MAP4K4: variants seen among roughly 807,000 people sequenced by gnomAD.
The protein encoded by MAP4K4 is mitogen-activated protein kinase kinase kinase kinase 4.
A neutral mutation model predicts 189.6 loss-of-function variants in MAP4K4; 38 were observed. The observed-to-expected ratio is 0.20, with a 90% CI of 0.15 to 0.26. MAP4K4 has a LOEUF of 0.26. MAP4K4 is among the 10% of genes least tolerant of loss of function. The pLI is 1.00. For synonymous variants in MAP4K4, 610 were observed against 624.3 expected, an observed-to-expected ratio of 0.98 and a Z score of 0.34; for missense variants, 1,054 against 1,726.9, an observed-to-expected ratio of 0.61 and a Z score of 6.91.
Position 101,840,014 on chromosome 2 carries a change from T to C in MAP4K4, c.949+20T>C, listed in dbSNP as rs2096868272. The C allele has an allele frequency of 6.4e-7, 1 of 1,568,786 alleles. No homozygotes were observed. Among genetic ancestry groups the C allele is most frequent in the Admixed American group, 2.1e-5 (1 of 48,484 alleles). On this transcript the variant is annotated intron_variant, in intron 10 of 32. Transcript: ENST00000324219. ...AGAAAGGTACTAAGCCTGTTTTTGT[T>C]TTCATCCTTTAAAATTTTTATGTTT...
chr2:101,756,011 G>A (rs1479462957), intron 2 of MAP4K4, among the ~76,000 whole-genome samples: 1 of 141,838 alleles, frequency 7.1e-6, no homozygotes, highest in Admixed American at 7.5e-5. Flanking sequence ...TGCGATGTCG[G>A]CTCACTGCAA....
At chr2:101,889,242 C>T (rs7574674) in intron 32 of MAP4K4, among the ~76,000 whole-genome samples, 31,696 of 152,056 alleles carry the variant, frequency 0.21, 7,599 homozygotes, top group African/African-American at 0.59. Flanking sequence ...GCTGCCAGTT[C>T]AGTTGGCTGG....
chr2:101,714,430 C>A (rs1427001162), intron 2 of MAP4K4, among the ~76,000 whole-genome samples: 2 of 152,142 alleles, frequency 1.3e-5, no homozygotes, highest in East Asian at 3.8e-4. Context: ...AATTTTCTTA[C>A]ATTTCAAAAG....
At chr2:101,843,764 G>GA (rs951355499) in intron 11 of MAP4K4, among the ~76,000 whole-genome samples, 4 of 150,938 alleles carry the variant, frequency 2.7e-5, no homozygotes, top group Non-Finnish European at 4.4e-5. Context: ...GTTTGCTGAA[G>GA]AAAAAAAAAG....
chr2:101,704,559 A>ATG (rs2040991788), intron 2 of MAP4K4, among the ~76,000 whole-genome samples: 1 of 64,136 alleles, frequency 1.6e-5, no homozygotes, highest in South Asian at 6.5e-4. Flanking sequence ...ATATATATAT[A>ATG]TATATATATT....
chr2:101,716,969 A>G (rs572434315), intron 2 of MAP4K4, among the ~76,000 whole-genome samples: 6 of 152,340 alleles, frequency 3.9e-5, no homozygotes, highest in Middle Eastern at 3.4e-3. Flanking sequence ...ATAAATGGAG[A>G]TAAATATGTA....
At chr2:101,751,953 A>T (rs970987630) in intron 2 of MAP4K4, among the ~76,000 whole-genome samples, 1 of 152,122 alleles carries the variant, frequency 6.6e-6, no homozygotes, top group African/African-American at 2.4e-5. Flanking sequence ...CTGTCATTCT[A>T]CTGTTTCCTT....
In MAP4K4 at chr2:101,864,897, C is replaced by G. The variant is rs377503494; in HGVS notation, c.2098-33C>G. ...GTATTTTTTTTCCTTTTCATGTTTT[C>G]AATAATTTAATTGCTATATTTTCTA... On this transcript the variant is annotated intron_variant, in intron 17 of 32. Transcript: ENST00000324219. 624 of 1,339,350 alleles carry G rather than the reference C, an allele frequency of 4.7e-4. 3 individuals carry two copies. The highest frequency in any genetic ancestry group is 3.1e-3 in the South Asian group (237 of 75,284). 83.0% of individuals were successfully genotyped at this position (1,339,350 alleles called of 1,614,324 possible).
intron 2 of MAP4K4, among the ~76,000 whole-genome samples, chr2:101,707,468 C>CA (rs757141618): frequency 8.5e-4 from 129 of 152,172 alleles, no homozygotes; most frequent in Non-Finnish European, 1.4e-3. Context: ...CTGGGCCTCT[C>CA]AAAGTGCTGG....
chr2:101,892,622 CT>C, exon 33 of MAP4K4: 1 of 298,708 alleles, frequency 3.3e-6, no homozygotes, highest in Non-Finnish European at 6.6e-6. Flanking sequence ...TGCACTAAAA[CT>C]ATTTTAAGAA....
intron 19 of MAP4K4, 125 bp from the exon 20 acceptor site, chr2:101,867,087 C>A: frequency 1.6e-6 from 1 of 639,948 alleles, no homozygotes; most frequent in Non-Finnish European, 2.8e-6. Context: ...GTAATTCAGA[C>A]CTGCAGGTGG....
intron 28 of MAP4K4, 53 bp from the exon 29 acceptor site, chr2:101,885,134 C>T: frequency 1.1e-6 from 1 of 904,406 alleles, no homozygotes; most frequent in Non-Finnish European, 1.8e-6. Flanking sequence ...GTTTAGAGGG[C>T]TATGTTGATA....
rs184427983 is a variant in MAP4K4, at chr2:101,892,710, G to A, written c.*1461G>A. 2.5e-3 allele frequency: 855 copies of A among 338,508 alleles called. 8 individuals are homozygous for A. The highest frequency in any genetic ancestry group is 3.1e-3 in the Non-Finnish European group (533 of 170,054). 21.0% of individuals were successfully genotyped at this position (338,508 alleles called of 1,614,324 possible). On this transcript the variant is annotated 3_prime_UTR_variant, in exon 33 of 33. Transcript: ENST00000324219. ...TAATATCGAAGTCCTGGCTTTTCTC[G>A]TTTTCTCACTTGCTCTCTTGTTCTC...
intron 22 of MAP4K4, 195 bp downstream of exon 22, chr2:101,869,992 C>T: frequency 4.3e-6 from 3 of 693,336 alleles, no homozygotes; most frequent in Non-Finnish European, 6.9e-6. Flanking sequence ...CTTCCCCCAG[C>T]ACCCCAGCGT....
In MAP4K4 at chr2:101,739,284, C is replaced by A. The variant is rs1049672933; in HGVS notation, c.123+40746C>A. 6.6e-5 allele frequency among the ~76,000 whole-genome samples: 10 copies of A among 152,288 alleles called. No individual in the cohort carries two copies. In the East Asian group the frequency reaches 1.7e-3, roughly 26 times the overall value. On this transcript the variant is annotated intron_variant, in intron 2 of 32. Coordinates refer to ENST00000324219, the Ensembl canonical transcript of MAP4K4. ...CCAAAGGTGTTACTTCTGTTGCCTT[C>A]AGGTTACAGCATGGATGACCCAAAA...
chr2:101,874,465 T>G (rs1266455715), intron 26 of MAP4K4, among the ~76,000 whole-genome samples: 1 of 152,252 alleles, frequency 6.6e-6, no homozygotes, highest in Admixed American at 6.5e-5. Flanking sequence ...ATTGGCATGA[T>G]TAATCTCCAT....
intron 2 of MAP4K4, among the ~76,000 whole-genome samples, chr2:101,758,816 T>G (rs2074245025): frequency 6.6e-6 from 1 of 152,180 alleles, no homozygotes; most frequent in Admixed American, 6.5e-5. Flanking sequence ...GAAAGTGATC[T>G]CTTATGGATG....
At chr2:101,814,561 G>T (rs2095611801) in intron 3 of MAP4K4, among the ~76,000 whole-genome samples, 1 of 152,134 alleles carries the variant, frequency 6.6e-6, no homozygotes, top group South Asian at 2.1e-4. Context: ...TTATTTGAAA[G>T]TAACAAAATG....
At chr2:101,880,419 G>A (rs547043176) in intron 27 of MAP4K4, among the ~76,000 whole-genome samples, 1 of 151,872 alleles carries the variant, frequency 6.6e-6, no homozygotes, top group African/African-American at 2.4e-5. Flanking sequence ...TGGATATCTA[G>A]TTGTTGCAGC....
Sources: gnomAD v4.1 joint callset for allele counts (sites outside exome capture counted in the v4.1 genomes callset) on GRCh38, gnomAD v4.1.1 for gene constraint, MANE v1.5 for transcripts, NCBI Gene and HGNC (gene_info 2026-07-23, HGNC 2026-07-21) for gene names.